The following TMEM131 variants were observed in gnomAD, a reference collection of about 807,000 sequenced individuals.
TMEM131 encodes the protein 2610524E03Rik.
In TMEM131, 66 loss-of-function variants were observed where a neutral mutation model predicts 211.6. That is an observed-to-expected ratio of 0.31 (90% confidence interval 0.26 to 0.38). The LOEUF (loss-of-function observed/expected upper bound fraction) is 0.38, where lower values mean the gene tolerates loss of function less well. Ranked by LOEUF, TMEM131 falls within the 10% of genes least tolerant of loss-of-function variation. TMEM131 has a pLI of 1.00. For missense variants in TMEM131, 2,036 were observed against 2,299.3 expected (o/e 0.89, Z 2.34); for synonymous variants, 844 against 841.3 (o/e 1.00, Z -0.06).
chr2:97,973,620 T>G (rs905484), intron 1 of TMEM131, among the ~76,000 whole-genome samples: 1 of 152,134 alleles, frequency 6.6e-6, no homozygotes, highest in African/African-American at 2.4e-5. Context: ...TACTGATCAG[T>G]GCATTTGTGT....
chr2:97,898,134 AT>A (rs990003191), intron 3 of TMEM131, among the ~76,000 whole-genome samples: 147 of 150,978 alleles, frequency 9.7e-4, no homozygotes, highest in African/African-American at 3.3e-3. Context: ...GTTTACATTG[AT>A]TTTTTTTCAC....
intron 4 of TMEM131, among the ~76,000 whole-genome samples, chr2:97,868,422 G>T (rs1472289867): frequency 6.6e-6 from 1 of 151,976 alleles, no homozygotes; most frequent in East Asian, 1.9e-4. Context: ...GACAATCTTG[G>T]TCTCTTAATT....
Position 97,766,523 on chromosome 2 carries a change from C to G in TMEM131, c.4528G>C (p.Ala1510Pro). 1 of 1,613,984 alleles carries G rather than the reference C, an allele frequency of 6.2e-7. No homozygotes were observed. The highest frequency in any genetic ancestry group is 8.5e-7 in the Non-Finnish European group (1 of 1,179,880). ...CGTGATTTGGATCCACTTGTCATTG[C>G]AGTTGGAAGAGGAATCTTGCTTGGG... ...NLPSKIPLPT[A>P]MTSGSKSRNA... is the part of the protein sequence containing the mutation. Residue 1510 changes from alanine to proline, a missense_variant, in exon 34 of 41, where the codon GCA (alanine) becomes CCA (proline). Physicochemically the swap from Ala to Pro is conservative, Grantham distance 27. Around this residue, in one of 3 missense-constraint regions of TMEM131, gnomAD observed 1,623 missense variants for 1,805.9 expected, o/e 0.90. Transcript: ENST00000186436.
rs995003539 is a variant in TMEM131 at position 97,793,561 on chromosome 2, G to A, written c.3387-8C>T. 3.8e-6 allele frequency: 6 copies of A among 1,584,646 alleles called. No individual in the cohort carries two copies. In the African/African-American group the frequency reaches 4.1e-5, roughly 11 times the overall value. On this transcript the variant is annotated splice_region_variant and splice_polypyrimidine_tract_variant and intron_variant, in intron 29 of 40. Coordinates refer to ENST00000186436, the MANE Select transcript of TMEM131 (RefSeq NM_015348.2). ...ACCAAAAGAAACAGTGCACTGCAGGGGTAAAAAAAATTGGAAAATCAGGAT... is the reference window on the plus strand; with the variant it reads ...ACCAAAAGAAACAGTGCACTGCAGGAGTAAAAAAAATTGGAAAATCAGGAT...
intron 4 of TMEM131, among the ~76,000 whole-genome samples, chr2:97,882,778 T>C (rs1674989945): frequency 6.6e-6 from 1 of 152,204 alleles, no homozygotes; most frequent in East Asian, 1.9e-4. Flanking sequence ...ATTGAACCCT[T>C]ACACATGTTG....
intron 22 of TMEM131, among the ~76,000 whole-genome samples, chr2:97,804,492 A>C (rs1236615455): frequency 6.6e-6 from 1 of 151,960 alleles, no homozygotes; most frequent in Non-Finnish European, 1.5e-5. Flanking sequence ...GTGAAACCCT[A>C]TCTCTACCAA....
intron 31 of TMEM131, 72 bp downstream of exon 31, chr2:97,792,314 T>C (rs1157301711): frequency 1.8e-5 from 23 of 1,278,814 alleles, no homozygotes; most frequent in Non-Finnish European, 2.2e-5. Context: ...AACTATAATC[T>C]TAATAGCTCC....
intron 1 of TMEM131, among the ~76,000 whole-genome samples, chr2:97,988,766 T>C (rs1680139309): frequency 6.6e-6 from 1 of 152,076 alleles, no homozygotes; most frequent in Non-Finnish European, 1.5e-5. Flanking sequence ...CAAAAACAAC[T>C]GTTGGCAAGG....
At position 97,837,146 on chromosome 2, in the gene TMEM131, C is replaced by A; in HGVS notation, c.735G>T (p.Met245Ile). ...GGTGAAGGTCTCCTCCACTAGAGTACATTTCTACAACCTGGGGCAAAAGAG... is the reference window on the plus strand; with the variant it reads ...GGTGAAGGTCTCCTCCACTAGAGTAAATTTCTACAACCTGGGGCAAAAGAG... ...PHSEPLQVVE[M>I]YSSGGDLHLE... Residue 245 changes from methionine to isoleucine, a missense_variant, in exon 8 of 41, where the codon ATG becomes ATT. This residue lies in a region of TMEM131 where 277 missense variants were observed against 378.0 expected (regional missense o/e 0.73). Coordinates refer to ENST00000186436, the MANE Select transcript of TMEM131 (RefSeq NM_015348.2). 6.3e-7 allele frequency: 1 copy of A among 1,595,580 alleles called. No individual in the cohort carries two copies. Among genetic ancestry groups the A allele is most frequent in the Non-Finnish European group, 8.5e-7 (1 of 1,173,988 alleles).
intron 8 of TMEM131, among the ~76,000 whole-genome samples, chr2:97,835,744 C>T (rs57970329): frequency 2.6e-5 from 4 of 152,102 alleles, no homozygotes; most frequent in Non-Finnish European, 4.4e-5. Flanking sequence ...ACCATCCACT[C>T]CCCAGCTCTA....
intron 4 of TMEM131, among the ~76,000 whole-genome samples, chr2:97,878,156 T>G (rs1193526593): frequency 6.6e-6 from 1 of 152,136 alleles, no homozygotes; most frequent in Non-Finnish European, 1.5e-5. Flanking sequence ...TGAGATACCA[T>G]CTCACACCAG....
intron 2 of TMEM131, among the ~76,000 whole-genome samples, chr2:97,919,274 G>C (rs1676638747): frequency 6.6e-6 from 1 of 152,096 alleles, no homozygotes; most frequent in Admixed American, 6.6e-5. Flanking sequence ...GCGTTTCTGA[G>C]CTTCTAAAAT....
At chr2:97,779,207 G>A (rs1559353727) in intron 31 of TMEM131, among the ~76,000 whole-genome samples, 1 of 152,206 alleles carries the variant, frequency 6.6e-6, no homozygotes, top group Non-Finnish European at 1.5e-5. Context: ...CAGGCTAGGA[G>A]CTACTTCAGG....
intron 5 of TMEM131, among the ~76,000 whole-genome samples, chr2:97,856,535 A>G (rs1408925202): frequency 2.6e-5 from 4 of 152,246 alleles, no homozygotes; most frequent in Non-Finnish European, 4.4e-5. Flanking sequence ...TAACGTACAG[A>G]TAACAGTTAA....
intron 36 of TMEM131, chr2:97,761,622 G>T (rs1678856334): frequency 6.1e-6 from 1 of 164,966 alleles, no homozygotes; most frequent in Non-Finnish European, 1.3e-5. Flanking sequence ...AACGGTCTTG[G>T]ACCAGGTCCT....
Position 97,759,792 on chromosome 2 carries a change from G to C in TMEM131, c.5109-43C>G, listed in dbSNP as rs574920182. Reference sequence around the variant, plus strand: ...AAAACGCAACACACAAAAATGTATGGTGGTTAGTGCAAACGGATCCATAGT... The same window carrying C: ...AAAACGCAACACACAAAAATGTATGCTGGTTAGTGCAAACGGATCCATAGT... On this transcript the variant is annotated intron_variant, in intron 38 of 40. Transcript: ENST00000186436. 1.8e-4 allele frequency: 260 copies of C among 1,457,126 alleles called. 2 individuals carry two copies. The South Asian group carries it at 2.7e-3, about 15-fold the overall frequency. 90.3% of individuals were successfully genotyped at this position (1,457,126 alleles called of 1,614,324 possible).
intron 35 of TMEM131, 120 bp downstream of exon 35, chr2:97,765,987 GGCTCTTA>G: frequency 8.3e-7 from 1 of 1,199,476 alleles, no homozygotes; most frequent in African/African-American, 1.5e-5. Context: ...GTTAACAATG[GGCTCTTA>G]GCTGGCAAAG....
At chr2:97,947,390 A>T (rs1343150484) in intron 1 of TMEM131, among the ~76,000 whole-genome samples, 3 of 152,052 alleles carry the variant, frequency 2.0e-5, no homozygotes, top group Non-Finnish European at 2.9e-5. Context: ...GGATATAGGA[A>T]AGTAGTAAGA....
At chr2:97,836,810 C>T (rs1418207704) in intron 8 of TMEM131, among the ~76,000 whole-genome samples, 2 of 152,064 alleles carry the variant, frequency 1.3e-5, no homozygotes, top group East Asian at 1.9e-4. Context: ...CCATATAATT[C>T]GGAGGAAGAA....
Sources: gnomAD v4.1 joint callset for allele counts (sites outside exome capture counted in the v4.1 genomes callset) on GRCh38, gnomAD v4.1.1 for gene constraint, gnomAD v4.1.1 regional missense constraint, MANE v1.5 for transcripts, NCBI Gene and HGNC (gene_info 2026-07-23, HGNC 2026-07-21) for gene names.